The following PTPRN2 variants were observed in gnomAD, a reference collection of about 807,000 sequenced individuals.
PTPRN2 encodes protein tyrosine phosphatase receptor type N2.
A neutral mutation model predicts 118.8 loss-of-function variants in PTPRN2; 74 were observed. The ratio of observed to expected loss-of-function variants is 0.62; its 90% CI spans 0.52 to 0.76. PTPRN2 has a LOEUF of 0.76. PTPRN2 is among the 30% of genes least tolerant of loss of function. PTPRN2 has a pLI of 0.00. For missense variants in PTPRN2, 1,481 were observed against 1,394.4 expected, an observed-to-expected ratio of 1.06 and a Z score of -0.99; for synonymous variants, 641 against 608.0, an observed-to-expected ratio of 1.05 and a Z score of -0.80.
intron 11 of PTPRN2, among the ~76,000 whole-genome samples, chr7:157,925,576 G>A (rs1315423139): frequency 6.6e-6 from 1 of 152,170 alleles, no homozygotes; most frequent in Non-Finnish European, 1.5e-5. Flanking sequence ...CTGTTCTGAG[G>A]TGGTCAGCAG....
chr7:157,667,882 T>C (rs959845837), intron 13 of PTPRN2, among the ~76,000 whole-genome samples: 3 of 152,242 alleles, frequency 2.0e-5, no homozygotes, highest in Non-Finnish European at 4.4e-5. Context: ...CAGAGCCAAC[T>C]GGAACTGTGA....
At chr7:158,071,598 C>CTGGTGGTGGAGGTGCTCGTGG (rs1397235953) in intron 11 of PTPRN2, among the ~76,000 whole-genome samples, 3 of 7,450 alleles carry the variant, frequency 4.0e-4, no homozygotes, top group Admixed American at 1.6e-3. Context: ...GGAGGTGCTC[C>CTGGTGGTGGAGGTGCTCGTGG]TGGTGGAGGT....
chr7:157,874,625 GA>G lies in PTPRN2; in HGVS notation c.1788+24047del, dbSNP rs1359144937. On this transcript the variant is annotated intron_variant, in intron 12 of 22. Transcript: ENST00000389418. This position sits in a 1 kb window ranked among gnomAD's most constrained non-coding sequence, Gnocchi z 5.8. The stretch of plus-strand genomic sequence containing the variant: ...AGCTCCCGGGGTCCGGGGAGAAGCG[GA>G]GGGGGGCAGAGAAGGCCGTGCCACC... Among the ~76,000 whole-genome samples, 1 of 152,218 alleles carries G rather than the reference GA, an allele frequency of 6.6e-6. No homozygotes were observed. The highest frequency in any genetic ancestry group is 6.5e-5 in the Admixed American group (1 of 15,288).
At chr7:157,734,311 C>T (rs549495789) in intron 12 of PTPRN2, among the ~76,000 whole-genome samples, 8 of 144,978 alleles carry the variant, frequency 5.5e-5, no homozygotes, top group East Asian at 1.9e-4. Context: ...GTTACTCTTC[C>T]GTCCCATGCA....
chr7:158,521,896 C>G (rs62478272), intron 1 of PTPRN2, among the ~76,000 whole-genome samples: 729 of 25,794 alleles, frequency 0.028, 6 homozygotes, highest in African/African-American at 0.036. Context: ...TGTCCAGGTA[C>G]TGGCTCAGGA....
Position 157,540,087 on chromosome 7 carries a change from C to T in PTPRN2, c.*627G>A, listed in dbSNP as rs1429557115. On this transcript the variant is annotated 3_prime_UTR_variant, in exon 23 of 23. Transcript: ENST00000389418. ...CACAGGTGTCTGCCCCCGGGGAGCC[C>T]CTGAATCACTCTGCTTGGGCTGACA... is the stretch of plus-strand genomic sequence containing the variant. 2 of 152,236 alleles carry T rather than the reference C, an allele frequency of 1.3e-5. No homozygotes were observed. The highest frequency in any genetic ancestry group is 1.3e-4 in the Admixed American group (2 of 15,290). 9.4% of individuals were successfully genotyped at this position (152,236 alleles called of 1,614,324 possible).
At position 158,039,114 on chromosome 7, in the gene PTPRN2, G is replaced by A. The variant is rs183545403; in HGVS notation, c.1723+42184C>T. ...GCCTAAATATCCTGCAGTAGAGGAAGAATGCATAAATTATACTGTAATACC... is the reference window on the plus strand; with the variant it reads ...GCCTAAATATCCTGCAGTAGAGGAAAAATGCATAAATTATACTGTAATACC... On this transcript the variant is annotated intron_variant, in intron 11 of 22. Coordinates refer to ENST00000389418, the MANE Select transcript of PTPRN2 (RefSeq NM_002847.5). Among the ~76,000 whole-genome samples, 654 of 152,296 alleles carry A rather than the reference G, an allele frequency of 4.3e-3. 7 individuals are homozygous for A. Among genetic ancestry groups the A allele is most frequent in the African/African-American group, 0.015 (628 of 41,552 alleles).
At position 157,671,470 on chromosome 7, in the gene PTPRN2, G is replaced by T. The variant is rs887005; in HGVS notation, c.2001+11255C>A. 0.31 allele frequency among the ~76,000 whole-genome samples: 46,748 copies of T among 151,908 alleles called. 8,226 individuals carry two copies. Among genetic ancestry groups the T allele is most frequent in the East Asian group, 0.71 (3,628 of 5,118 alleles). On this transcript the variant is annotated intron_variant, in intron 13 of 22. Coordinates refer to ENST00000389418, the MANE Select transcript of PTPRN2 (RefSeq NM_002847.5). The surrounding 1 kb of genome is among the most constrained non-coding windows in gnomAD (Gnocchi z 4.1). ...GGGCTGAGATGGAAGCTCAGGGGAC[G>T]GGGGTCTGCACAGGGCTGGACAGAT... is the stretch of plus-strand genomic sequence containing the variant.
At chr7:158,537,217 G>A (rs187513239) in intron 1 of PTPRN2, among the ~76,000 whole-genome samples, 1 of 143,236 alleles carries the variant, frequency 7.0e-6, no homozygotes, top group Admixed American at 7.4e-5. Flanking sequence ...GCCCGAGGCT[G>A]CAGCATATTT....
intron 12 of PTPRN2, among the ~76,000 whole-genome samples, chr7:157,689,572 C>A (rs777875292): frequency 6.6e-6 from 1 of 152,238 alleles, no homozygotes; most frequent in Non-Finnish European, 1.5e-5. Context: ...CTTGGGGGTT[C>A]GCCCGATTCC....
chr7:157,611,325 C>T lies in PTPRN2; in HGVS notation c.2345-7250G>A, dbSNP rs1225203013. ...GGAGCCTCAAGCCCTGGGGGATTCCCATACCTGAAGCGATTTTAACCCACA... is the reference window on the plus strand; with the variant it reads ...GGAGCCTCAAGCCCTGGGGGATTCCTATACCTGAAGCGATTTTAACCCACA... On this transcript the variant is annotated intron_variant, in intron 15 of 22. Transcript: ENST00000389418. The surrounding 1 kb of genome is among the most constrained non-coding windows in gnomAD (Gnocchi z 5.9). 6.6e-6 allele frequency among the ~76,000 whole-genome samples: 1 copy of T among 152,186 alleles called. No homozygotes were observed. Among genetic ancestry groups the T allele is most frequent in the African/African-American group, 2.4e-5 (1 of 41,450 alleles).
intron 5 of PTPRN2, among the ~76,000 whole-genome samples, chr7:158,189,741 G>A (rs1465581550): frequency 6.6e-6 from 1 of 152,192 alleles, no homozygotes; most frequent in African/African-American, 2.4e-5. Flanking sequence ...CCAGCGTCTG[G>A]GGACGTGACG....
At chr7:157,822,108 C>T (rs1156676102) in intron 12 of PTPRN2, among the ~76,000 whole-genome samples, 2 of 152,046 alleles carry the variant, frequency 1.3e-5, no homozygotes, top group Admixed American at 1.3e-4. Context: ...ACTCATCCAT[C>T]CACTCATCCA....
chr7:158,303,829 G>A (rs189940000), intron 3 of PTPRN2, among the ~76,000 whole-genome samples: 84 of 152,374 alleles, frequency 5.5e-4, no homozygotes, highest in African/African-American at 1.9e-3. Flanking sequence ...TAACGTCAGG[G>A]CTGACAACTA....
At chr7:158,038,029 G>A (rs1176061772) in intron 11 of PTPRN2, among the ~76,000 whole-genome samples, 1 of 152,202 alleles carries the variant, frequency 6.6e-6, no homozygotes, top group African/African-American at 2.4e-5. Context: ...GGAGGGTCTG[G>A]GCTGCCAAGG....
At chr7:157,569,828 A>G (rs1484130233) in intron 20 of PTPRN2, among the ~76,000 whole-genome samples, 1 of 152,192 alleles carries the variant, frequency 6.6e-6, no homozygotes, top group Non-Finnish European at 1.5e-5. Context: ...TAAACAGAGG[A>G]CCTTTTACAT....
At chr7:158,379,920 A>G (rs961829994) in intron 2 of PTPRN2, among the ~76,000 whole-genome samples, 19 of 152,196 alleles carry the variant, frequency 1.2e-4, no homozygotes, top group East Asian at 3.8e-4. Context: ...CACATGGATG[A>G]CAGCAGGCAA....
chr7:158,231,443 C>T (rs1829157959), intron 3 of PTPRN2, among the ~76,000 whole-genome samples: 1 of 152,072 alleles, frequency 6.6e-6, no homozygotes, highest in Non-Finnish European at 1.5e-5. Context: ...AATATATATG[C>T]ACCCAACAAT....
intron 2 of PTPRN2, among the ~76,000 whole-genome samples, chr7:158,377,341 C>T (rs1011098413): frequency 2.6e-5 from 4 of 152,334 alleles, no homozygotes; most frequent in African/African-American, 4.8e-5. Context: ...CAATTAGGTG[C>T]GTGTGTGTTA....
Sources: allele counts gnomAD v4.1 joint callset (sites outside exome capture counted in the v4.1 genomes callset), GRCh38; gene constraint gnomAD v4.1.1; non-coding constraint Gnocchi (gnomAD v3.1); transcripts MANE v1.5; gene names NCBI Gene and HGNC (gene_info 2026-07-23, HGNC 2026-07-21).